BCOR: variants seen among roughly 807,000 people sequenced by gnomAD.
The protein encoded by BCOR is BCL-6 corepressor.
In BCOR, 10 loss-of-function variants were observed where a neutral mutation model predicts 86.7. The observed-to-expected ratio is 0.12, with a 90% CI of 0.07 to 0.20. BCOR has a LOEUF of 0.20. BCOR is among the 10% of genes least tolerant of loss of function. The pLI, the probability that BCOR is intolerant of heterozygous loss-of-function variation, is 1.00. For missense variants in BCOR, 1,259 were observed against 1,452.1 expected, an observed-to-expected ratio of 0.87 and a Z score of 2.16; for synonymous variants, 611 against 609.0, an observed-to-expected ratio of 1.00 and a Z score of -0.05.
intron 3 of BCOR, among the ~76,000 whole-genome samples, chrX:40,075,899 C>T (rs1569160970): frequency 8.9e-6 from 1 of 112,476 alleles, no homozygotes; most frequent in Non-Finnish European, 1.9e-5. Context: ...CACACTAACC[C>T]TCCCTGGGCC....
intron 1 of BCOR, among the ~76,000 whole-genome samples, chrX:40,094,287 C>T (rs1936751563): frequency 8.9e-6 from 1 of 112,416 alleles, no homozygotes; most frequent in Admixed American, 9.3e-5. Context: ...GCCTGCATGC[C>T]TGTCTAGACC....
intron 1 of BCOR, among the ~76,000 whole-genome samples, chrX:40,123,334 AGG>A (rs1937511574): frequency 9.4e-6 from 1 of 105,879 alleles, no homozygotes; most frequent in South Asian, 4.2e-4. Flanking sequence ...TATAGTCAGT[AGG>A]GGTACAGCAG....
intron 5 of BCOR, 26 bp from the exon 6 acceptor site, chrX:40,071,185 A>T: frequency 8.6e-7 from 1 of 1,158,470 alleles, no homozygotes. Flanking sequence ...AGATGGAAAA[A>T]AAAAAAAACA....
At chrX:40,108,759 C>T (rs1937242080) in intron 1 of BCOR, among the ~76,000 whole-genome samples, 1 of 113,390 alleles carries the variant, frequency 8.8e-6, no homozygotes, top group South Asian at 3.5e-4. Flanking sequence ...CTCCTCCTGG[C>T]TCAGGCTTGC....
intron 1 of BCOR, among the ~76,000 whole-genome samples, chrX:40,161,384 G>C (rs1938417105): frequency 9.2e-6 from 1 of 109,184 alleles, no homozygotes; most frequent in African/African-American, 3.3e-5. Flanking sequence ...ATTTTTAGTA[G>C]AGAAGGGGTT....
intron 1 of BCOR, among the ~76,000 whole-genome samples, chrX:40,096,703 C>A (rs969567041): frequency 4.5e-5 from 5 of 112,256 alleles, no homozygotes; most frequent in African/African-American, 1.6e-4. Context: ...AGAGGCGAGA[C>A]GAGGCGGCGG....
chrX:40,171,654 G>C, intron 1 of BCOR, among the ~76,000 whole-genome samples: 1 of 112,982 alleles, frequency 8.9e-6, no homozygotes, highest in Non-Finnish European at 1.9e-5. Flanking sequence ...GGTGCCCCGC[G>C]TGGGCGCACC....
intron 1 of BCOR, among the ~76,000 whole-genome samples, chrX:40,117,105 C>T (rs2080514419): frequency 8.9e-6 from 1 of 112,661 alleles, no homozygotes; most frequent in Non-Finnish European, 1.9e-5. Flanking sequence ...TGCTCTAGAT[C>T]TGACACCGAT....
rs757009393 is a variant in BCOR, at chrX:40,052,121, G to T, written c.5256C>A (p.Asp1752Glu). 1 of 1,196,716 alleles carries T rather than the reference G, an allele frequency of 8.4e-7. No homozygotes were observed. Among genetic ancestry groups the T allele is most frequent in the East Asian group, 3.0e-5 (1 of 33,399 alleles). ...EWLHPSDLAS[D>E]NYW ...GGGTCCAGCTTGCTCACCAGTAGTT[G>T]TCTGAGGCCAGATCACTGGGGTGGA... Residue 1752 changes from aspartate (D) to glutamate (E), a missense_variant, in exon 15 of 15, where the codon GAC becomes GAA. Asp to Glu is a conservative substitution (Grantham distance 45). Around this residue, in one of 7 missense-constraint regions of BCOR, gnomAD observed 137 missense variants for 149.8 expected, o/e 0.91. Transcript: ENST00000378444.
At chrX:40,063,098 GCGGGC>G in intron 8 of BCOR, 27 bp from the exon 9 acceptor site, 2 of 1,018,340 alleles carry the variant, frequency 2.0e-6, no homozygotes, top group African/African-American at 2.0e-5. Flanking sequence ...TGACGGGGTG[GCGGGC>G]GGATGGGAGA....
intron 1 of BCOR, among the ~76,000 whole-genome samples, chrX:40,094,825 C>G (rs1936780846): frequency 8.8e-6 from 1 of 113,383 alleles, no homozygotes; most frequent in African/African-American, 3.2e-5. Context: ...GCAGCCTGGA[C>G]AGCGAGGCCC....
chrX:40,059,683 A>G (rs967100572), intron 10 of BCOR, among the ~76,000 whole-genome samples: 2 of 113,373 alleles, frequency 1.8e-5, no homozygotes, highest in Admixed American at 1.9e-4. Context: ...TTCCCAAACA[A>G]AATCAAACTG....
Position 40,078,013 on chromosome X carries a change from G to A in BCOR, c.-40-44C>T, listed in dbSNP as rs113858536. On this transcript the variant is annotated intron_variant, in intron 1 of 14. Transcript: ENST00000378444. ...AAAAATCCCAGGAGGTTCAGTAAAG[G>A]AGAGCCAAACAGGGCGCTAGAGAAG... 1.3e-5 allele frequency: 11 copies of A among 836,430 alleles called. No individual in the cohort carries two copies. In the African/African-American group the frequency reaches 1.8e-4, roughly 14 times the overall value. 68.9% of individuals were successfully genotyped at this position (836,430 alleles called of 1,213,427 possible). A position where few individuals can be genotyped will look rare whatever the true frequency, so the allele number is the denominator to read the frequency against.
intron 1 of BCOR, among the ~76,000 whole-genome samples, chrX:40,151,858 G>C (rs1938174546): frequency 8.9e-6 from 1 of 112,069 alleles, no homozygotes; most frequent in Non-Finnish European, 1.9e-5. Flanking sequence ...GGCGGCCCTC[G>C]CTCGGCCCCT....
chrX:40,090,453 AGGGGCGGGGC>A (rs772260125), intron 1 of BCOR, among the ~76,000 whole-genome samples: 21 of 112,428 alleles, frequency 1.9e-4, no homozygotes, highest in Non-Finnish European at 3.4e-4. Flanking sequence ...CAGTTCGGGG[AGGGGCGGGGC>A]GGGGCGGGGC....
At chrX:40,058,680 T>C (rs746988907) in intron 10 of BCOR, among the ~76,000 whole-genome samples, 17 of 111,838 alleles carry the variant, frequency 1.5e-4, no homozygotes, top group African/African-American at 4.5e-4. Context: ...GGTAACCCTG[T>C]TGCTTCAGGA....
chrX:40,123,705 G>A (rs980666070), intron 1 of BCOR, among the ~76,000 whole-genome samples: 1 of 110,842 alleles, frequency 9.0e-6, no homozygotes, highest in Admixed American at 9.7e-5. Flanking sequence ...TACATCTGCA[G>A]CTGTGTTTTT....
At chrX:40,056,992 A>T (rs1934630737) in intron 11 of BCOR, among the ~76,000 whole-genome samples, 163 bp downstream of exon 11, 1 of 112,148 alleles carries the variant, frequency 8.9e-6, no homozygotes, top group Non-Finnish European at 1.9e-5. Flanking sequence ...TTTGCCAGAA[A>T]GGTCTGCTGG....
intron 1 of BCOR, among the ~76,000 whole-genome samples, chrX:40,122,638 G>T (rs1602240637): frequency 9.0e-6 from 1 of 111,712 alleles, no homozygotes; most frequent in Non-Finnish European, 1.9e-5. Context: ...TGCCCAGTCG[G>T]CTCCTTCTTC....
Sources: gnomAD v4.1 joint callset for allele counts (sites outside exome capture counted in the v4.1 genomes callset) on GRCh38, gnomAD v4.1.1 for gene constraint, gnomAD v4.1.1 regional missense constraint, MANE v1.5 for transcripts, NCBI Gene and HGNC (gene_info 2026-07-23, HGNC 2026-07-21) for gene names.